The following UNC13B variants were observed in gnomAD, a reference collection of about 807,000 sequenced individuals.
The protein encoded by UNC13B is unc-13 homolog B.
In UNC13B, 144 loss-of-function variants were observed where a neutral mutation model predicts 211.0. The observed-to-expected ratio is 0.68, with a 90% CI of 0.60 to 0.78. The LOEUF (loss-of-function observed/expected upper bound fraction) is 0.78. Ranked by LOEUF, UNC13B falls within the 30% of genes least tolerant of loss-of-function variation. UNC13B has a pLI of 0.00. For synonymous variants in UNC13B, 709 were observed against 725.8 expected, an observed-to-expected ratio of 0.98 and a Z score of 0.37; for missense variants, 1,777 against 2,002.0, an observed-to-expected ratio of 0.89 and a Z score of 2.14.
In UNC13B at chr9:35,303,351, T is replaced by C; in HGVS notation, c.3947T>C (p.Val1316Ala). 1 of 398,708 alleles carries C rather than the reference T, an allele frequency of 2.5e-6. No individual in the cohort carries two copies. The highest frequency in any genetic ancestry group is 4.4e-6 in the Non-Finnish European group (1 of 225,800). The allele number at this position is 398,708 out of a possible 1,614,324, so 24.7% of individuals were successfully genotyped here. ...SMAKRQMPNH[V>A]LEAKLHENSN... is the part of the protein sequence containing the mutation. ...GCTAAGAGGCAAATGCCAAACCATGTTCTTGAGGCAAAACTACATGAAAAT... is the reference window on the plus strand; with the variant it reads ...GCTAAGAGGCAAATGCCAAACCATGCTCTTGAGGCAAAACTACATGAAAAT... Residue 1316 changes from valine to alanine, a missense_variant, in exon 9 of 40, where the codon GTT (valine) becomes GCT (alanine). Val to Ala is a moderately conservative substitution (Grantham distance 64). Transcript: ENST00000635942.
chr9:35,404,264 C>CA lies in UNC13B; in HGVS notation c.*232dup. ...TAGGGGCTGGGATGTGGGGTTACCA[C>CA]ATGGAGAGATTTTCCATTAAGAGAG... is the stretch of plus-strand genomic sequence containing the variant. On this transcript the variant is annotated 3_prime_UTR_variant, in exon 40 of 40. Coordinates refer to ENST00000635942, the MANE Select transcript of UNC13B (RefSeq NM_001371189.2). The CA allele has an allele frequency of 1.7e-6, 1 of 577,450 alleles. No homozygotes were observed. The highest frequency in any genetic ancestry group is 2.9e-5 in the East Asian group (1 of 34,158). The allele number at this position is 577,450 out of a possible 1,614,324, so 35.8% of individuals were successfully genotyped here. A position where few individuals can be genotyped will look rare whatever the true frequency, so the allele number is the denominator to read the frequency against.
At chr9:35,388,507 G>T (rs1301416090) in intron 24 of UNC13B, among the ~76,000 whole-genome samples, 1 of 152,220 alleles carries the variant, frequency 6.6e-6, no homozygotes, top group East Asian at 1.9e-4. Context: ...TCAAATCTTA[G>T]TTCTGCTCTT....
chr9:35,245,808 C>T (rs1171497916), intron 6 of UNC13B, among the ~76,000 whole-genome samples: 1 of 152,172 alleles, frequency 6.6e-6, no homozygotes, highest in African/African-American at 2.4e-5. Context: ...CCGCAATAAA[C>T]ATACGCATGC....
intron 24 of UNC13B, among the ~76,000 whole-genome samples, chr9:35,387,862 G>C (rs914487080): frequency 6.6e-6 from 1 of 152,032 alleles, no homozygotes; most frequent in Non-Finnish European, 1.5e-5. Flanking sequence ...TTTTGTTGTT[G>C]TTATTTTGTT....
intron 1 of UNC13B, among the ~76,000 whole-genome samples, chr9:35,214,657 A>C (rs1824159191): frequency 6.6e-6 from 1 of 152,148 alleles, no homozygotes; most frequent in South Asian, 2.1e-4. Flanking sequence ...AGTTAATAGA[A>C]GTTCTCTAGG....
At chr9:35,385,927 C>A in intron 23 of UNC13B, 114 bp downstream of exon 23, 1 of 1,441,426 alleles carries the variant, frequency 6.9e-7, no homozygotes, top group Admixed American at 2.2e-5. Context: ...CACCTCTAAG[C>A]TTACATTTCT....
chr9:35,162,031 C>T lies in UNC13B; in HGVS notation c.-253C>T, dbSNP rs1802852369. ...GGGAGTCCCGGCAGCTCCTACCTCC[C>T]AGCGATGGCGTCGCTGTGCCGCGCC... On this transcript the variant is annotated 5_prime_UTR_variant, in exon 1 of 40. Coordinates refer to ENST00000635942, the MANE Select transcript of UNC13B (RefSeq NM_001371189.2). The T allele has an allele frequency of 1.8e-6, 1 of 550,086 alleles. No homozygotes were observed. The highest frequency in any genetic ancestry group is 3.7e-5 in the Admixed American group (1 of 27,024). 34.1% of individuals were successfully genotyped at this position (550,086 alleles called of 1,614,324 possible).
At chr9:35,245,562 A>T (rs1358809282) in intron 6 of UNC13B, among the ~76,000 whole-genome samples, 1 of 129,786 alleles carries the variant, frequency 7.7e-6, no homozygotes, top group Admixed American at 9.8e-5. Flanking sequence ...AAGTGTTCTC[A>T]TTGTTCAATT....
intron 6 of UNC13B, among the ~76,000 whole-genome samples, chr9:35,248,486 G>T (rs1826241291): frequency 6.6e-6 from 1 of 151,866 alleles, no homozygotes; most frequent in Admixed American, 6.6e-5. Context: ...TTCTCTTGTG[G>T]CCATTTAGTG....
intron 11 of UNC13B, among the ~76,000 whole-genome samples, chr9:35,325,067 C>T (rs985684388): frequency 1.3e-5 from 2 of 152,100 alleles, no homozygotes; most frequent in African/African-American, 2.4e-5. Flanking sequence ...TAAGAGAAAG[C>T]GAAGACATTC....
At chr9:35,180,566 G>A (rs1268299693) in intron 1 of UNC13B, among the ~76,000 whole-genome samples, 1 of 152,188 alleles carries the variant, frequency 6.6e-6, no homozygotes, top group South Asian at 2.1e-4. Context: ...GTACTGCAGG[G>A]AGAGGGCTGT....
chr9:35,276,248 A>G lies in UNC13B; in HGVS notation c.526+17198A>G, dbSNP rs141702823. On this transcript the variant is annotated intron_variant, in intron 7 of 39. Coordinates refer to ENST00000635942, the MANE Select transcript of UNC13B (RefSeq NM_001371189.2). ...TTCAGCCCAGGAAGTTGAGACTGCAATGAGCCAAGATTATGCCACTGCACT... is the reference window on the plus strand; with the variant it reads ...TTCAGCCCAGGAAGTTGAGACTGCAGTGAGCCAAGATTATGCCACTGCACT... 1.1e-3 allele frequency among the ~76,000 whole-genome samples: 165 copies of G among 150,452 alleles called. 1 individual carries two copies. In the East Asian group the frequency reaches 0.022, roughly 21 times the overall value.
At chr9:35,381,460 G>A (rs2132256607) in intron 19 of UNC13B, 96 bp from the exon 20 acceptor site, 1 of 1,406,808 alleles carries the variant, frequency 7.1e-7, no homozygotes, top group South Asian at 1.4e-5. Context: ...ATTTCTGTGG[G>A]ACCTTGTGCA....
At chr9:35,180,974 G>A (rs1013927732) in intron 1 of UNC13B, among the ~76,000 whole-genome samples, 4 of 151,340 alleles carry the variant, frequency 2.6e-5, no homozygotes, top group African/African-American at 9.7e-5. Flanking sequence ...GGTACCTGTA[G>A]TCCCAGGTAC....
At chr9:35,229,416 T>C (rs772499467) in intron 2 of UNC13B, among the ~76,000 whole-genome samples, 4 of 152,246 alleles carry the variant, frequency 2.6e-5, no homozygotes, top group Non-Finnish European at 5.9e-5. Flanking sequence ...GCTGGTTTTC[T>C]ATGCTTACCC....
intron 7 of UNC13B, among the ~76,000 whole-genome samples, chr9:35,267,803 C>T (rs1233521599): frequency 6.6e-6 from 1 of 152,086 alleles, no homozygotes; most frequent in Non-Finnish European, 1.5e-5. Context: ...CTTCTTTTGT[C>T]CTGCTATTGA....
chr9:35,297,063 AC>A (rs1386678226), intron 8 of UNC13B, among the ~76,000 whole-genome samples: 1 of 144,228 alleles, frequency 6.9e-6, no homozygotes, highest in Admixed American at 6.9e-5. Flanking sequence ...AAATTTCATT[AC>A]CTTGGTTTTT....
chr9:35,176,283 C>T (rs572594830), intron 1 of UNC13B, among the ~76,000 whole-genome samples: 2 of 152,114 alleles, frequency 1.3e-5, no homozygotes, highest in Admixed American at 6.6e-5. Context: ...TGTGGTGGCT[C>T]ATGTCTATAA....
At chr9:35,207,854 G>A (rs902013534) in intron 1 of UNC13B, among the ~76,000 whole-genome samples, 14 of 152,194 alleles carry the variant, frequency 9.2e-5, no homozygotes, top group South Asian at 2.1e-4. Flanking sequence ...TTTTAATTTT[G>A]ATGAAGACTA....
Sources: allele counts gnomAD v4.1 joint callset (sites outside exome capture counted in the v4.1 genomes callset), GRCh38; gene constraint gnomAD v4.1.1; transcripts MANE v1.5; gene names NCBI Gene and HGNC (gene_info 2026-07-23, HGNC 2026-07-21).